Variants in CNBD1 observed in about 807,000 individuals in gnomAD.
CNBD1 encodes cyclic nucleotide-binding domain-containing protein 1.
CNBD1 carries 71 observed loss-of-function variants against 54.4 expected under a neutral mutation model. That is an observed-to-expected ratio of 1.30 (90% CI 1.08 to 1.59). The LOEUF (loss-of-function observed/expected upper bound fraction) is 1.59, where lower values mean the gene tolerates loss of function less well. Ranked by LOEUF, CNBD1 falls within the 40% of genes most tolerant of loss-of-function variation. CNBD1 has a pLI of 0.00. For synonymous variants in CNBD1, 182 were observed against 170.7 expected, an observed-to-expected ratio of 1.07 and a Z score of -0.51; for missense variants, 659 against 518.0, an observed-to-expected ratio of 1.27 and a Z score of -2.64.
At chr8:87,413,649 T>C (rs1414842571) in intron 2 of CNBD1, among the ~76,000 whole-genome samples, 1 of 152,026 alleles carries the variant, frequency 6.6e-6, no homozygotes, top group Non-Finnish European at 1.5e-5. Context: ...ATCCAGAATC[T>C]ACAATGAACT....
chr8:87,305,221 A>C (rs1827187917), intron 8 of CNBD1, among the ~76,000 whole-genome samples: 1 of 152,170 alleles, frequency 6.6e-6, no homozygotes, highest in Non-Finnish European at 1.5e-5. Context: ...GACCTCTACA[A>C]GGAAAACTAC....
intron 4 of CNBD1, among the ~76,000 whole-genome samples, chr8:87,178,934 T>C (rs1813254218): frequency 6.6e-6 from 1 of 152,008 alleles, no homozygotes; most frequent in South Asian, 2.1e-4. Flanking sequence ...TGAGACGGAG[T>C]CTCACCCTTG....
At chr8:87,202,918 T>A (rs1813894549) in intron 4 of CNBD1, among the ~76,000 whole-genome samples, 1 of 152,114 alleles carries the variant, frequency 6.6e-6, no homozygotes, top group Non-Finnish European at 1.5e-5. Flanking sequence ...GGAGGGCAAC[T>A]TTCCCCCATG....
At chr8:87,423,070 CTGTT>C (rs1205102997) in intron 2 of CNBD1, among the ~76,000 whole-genome samples, 2,078 of 151,756 alleles carry the variant, frequency 0.014, 47 homozygotes, top group African/African-American at 0.045. Context: ...ATTTGGCTCT[CTGTT>C]TGTCTGTTGT....
intron 4 of CNBD1, among the ~76,000 whole-genome samples, chr8:87,177,467 T>C (rs907488326): frequency 6.6e-6 from 1 of 152,246 alleles, no homozygotes. Flanking sequence ...ATTTTAATAC[T>C]GAAGTTTTTT....
At chr8:87,006,918 C>G (rs921091892) in intron 4 of CNBD1, among the ~76,000 whole-genome samples, 1 of 152,264 alleles carries the variant, frequency 6.6e-6, no homozygotes, top group South Asian at 2.1e-4. Context: ...TCTTATTGGC[C>G]GGGTGCCGCG....
chr8:87,072,900 GT>G (rs1007544585), intron 4 of CNBD1, among the ~76,000 whole-genome samples: 43 of 152,014 alleles, frequency 2.8e-4, no homozygotes, highest in Admixed American at 5.9e-4. Context: ...CTTGTAGTAT[GT>G]TTTCCAACTT....
chr8:87,206,349 T>C (rs1813976045), intron 5 of CNBD1, among the ~76,000 whole-genome samples: 2 of 152,186 alleles, frequency 1.3e-5, no homozygotes, highest in Admixed American at 6.5e-5. Context: ...TATATACTTG[T>C]GTTTCTCTGC....
chr8:86,942,629 G>A (rs150245844), intron 4 of CNBD1, among the ~76,000 whole-genome samples: 5 of 152,330 alleles, frequency 3.3e-5, no homozygotes, highest in African/African-American at 1.2e-4. Context: ...TAGCAAGGGA[G>A]AGTCTGTTTC....
chr8:87,250,328 G>A (rs1411751732), intron 6 of CNBD1, among the ~76,000 whole-genome samples: 1 of 152,132 alleles, frequency 6.6e-6, no homozygotes. Context: ...AATCACAAAT[G>A]TTGGCCAGGA....
intron 2 of CNBD1, among the ~76,000 whole-genome samples, chr8:87,389,458 C>G (rs974727572): frequency 2.0e-5 from 3 of 152,088 alleles, no homozygotes; most frequent in Non-Finnish European, 4.4e-5. Context: ...ACACCAATAA[C>G]AGACAAACAG....
At chr8:87,301,568 C>A (rs1041449519) in intron 8 of CNBD1, among the ~76,000 whole-genome samples, 2 of 151,890 alleles carry the variant, frequency 1.3e-5, no homozygotes, top group Non-Finnish European at 2.9e-5. Context: ...ATGTAATACA[C>A]CATATAAACA....
chr8:87,300,061 A>C (rs185140195), intron 8 of CNBD1, among the ~76,000 whole-genome samples: 95 of 152,328 alleles, frequency 6.2e-4, no homozygotes, highest in African/African-American at 2.1e-3. Flanking sequence ...CACTTGGCTT[A>C]ACCTGGCAAA....
intron 4 of CNBD1, among the ~76,000 whole-genome samples, chr8:87,052,624 C>T (rs1280183616): frequency 1.3e-5 from 2 of 152,174 alleles, no homozygotes; most frequent in African/African-American, 4.8e-5. Flanking sequence ...AATCCCCCTT[C>T]CAGTTTCTTC....
At chr8:87,191,559 C>T (rs1813610476) in intron 4 of CNBD1, among the ~76,000 whole-genome samples, 1 of 152,076 alleles carries the variant, frequency 6.6e-6, no homozygotes, top group South Asian at 2.1e-4. Context: ...AACTTTTTTT[C>T]TTATACTCAG....
intron 6 of CNBD1, among the ~76,000 whole-genome samples, chr8:87,239,628 T>C (rs1807651727): frequency 6.6e-6 from 1 of 152,188 alleles, no homozygotes; most frequent in African/African-American, 2.4e-5. Flanking sequence ...GGTAAACTAA[T>C]GGGCATCATT....
At chr8:86,871,984 A>G (rs1808449089) in intron 1 of CNBD1, among the ~76,000 whole-genome samples, 1 of 152,236 alleles carries the variant, frequency 6.6e-6, no homozygotes, top group East Asian at 1.9e-4. Flanking sequence ...TAAAGTACTC[A>G]GCGTAGCTCA....
intron 10 of CNBD1, among the ~76,000 whole-genome samples, chr8:87,380,384 T>C (rs1811049766): frequency 6.6e-6 from 1 of 151,978 alleles, no homozygotes; most frequent in South Asian, 2.1e-4. Context: ...TGTATGATTG[T>C]CTTTATGCAA....
chr8:87,328,419 T>G (rs1250890499), intron 8 of CNBD1, among the ~76,000 whole-genome samples: 1 of 151,934 alleles, frequency 6.6e-6, no homozygotes, highest in Non-Finnish European at 1.5e-5. Context: ...TATGTTTAAT[T>G]TTTTTCATAA....
Sources: gnomAD v4.1 joint callset for allele counts (sites outside exome capture counted in the v4.1 genomes callset) on GRCh38, gnomAD v4.1.1 for gene constraint, MANE v1.5 for transcripts, NCBI Gene and HGNC (gene_info 2026-07-23, HGNC 2026-07-21) for gene names.